MTA1: variants seen among roughly 807,000 people sequenced by gnomAD.
The protein encoded by MTA1 is metastasis associated 1.
MTA1 carries 15 observed loss-of-function variants against 97.0 expected under a neutral mutation model. That is an observed-to-expected ratio of 0.15 (90% confidence interval 0.10 to 0.24). The LOEUF (loss-of-function observed/expected upper bound fraction) is 0.24. MTA1 is among the 10% of genes least tolerant of loss of function. The probability of loss-of-function intolerance (pLI) is 1.00; values close to 1 mark genes in which losing one functional copy is unlikely to be tolerated. For missense variants in MTA1, 709 were observed against 1,015.1 expected (o/e 0.70, Z 4.10); for synonymous variants, 435 against 417.5 (o/e 1.04, Z -0.51).
rs781881355 is a variant in MTA1 at position 105,463,186 on chromosome 14, C to T, written c.945C>T (p.Leu315=). 7 of 1,611,462 alleles carry T rather than the reference C, an allele frequency of 4.3e-6. No homozygotes were observed. Among genetic ancestry groups the T allele is most frequent in the Non-Finnish European group, 5.9e-6 (7 of 1,179,832 alleles). Residue 315 remains leucine, a splice_region_variant and synonymous_variant, in exon 11 of 21, where the codon CTC becomes CTT. Transcript: ENST00000331320. The surrounding 1 kb of genome is among the most constrained non-coding windows in gnomAD (Gnocchi z 5.9). ...GTGACACGCCTCCTCCCACCCAGCT[C>T]CCGTGGAAGTCGCTGACCAGCATCA... ...KDFTDIQQDF[L]PWKSLTSIIE...
chr14:105,468,943 A>C (rs2083710948), intron 18 of MTA1: 1 of 316,582 alleles, frequency 3.2e-6, no homozygotes, highest in Admixed American at 4.5e-5. Flanking sequence ...GGCCTCTGGC[A>C]CCCCATCCCC....
chr14:105,460,738 G>A (rs369176604), intron 9 of MTA1, 27 bp from the exon 10 acceptor site: 18 of 1,540,850 alleles, frequency 1.2e-5, no homozygotes, highest in Admixed American at 9.9e-5. Context: ...ACCTTGGCCC[G>A]GGTGACCCTG....
At chr14:105,432,021 G>A (rs587685398) in intron 1 of MTA1, among the ~76,000 whole-genome samples, 3 of 151,918 alleles carry the variant, frequency 2.0e-5, no homozygotes, top group Admixed American at 6.6e-5. Context: ...TCAGTTCTGT[G>A]AATTAAAAAA....
In MTA1 at chr14:105,463,976, G is replaced by A. The variant is rs781952441; in HGVS notation, c.1077-56G>A. 1.3e-6 allele frequency: 2 copies of A among 1,562,588 alleles called. No individual in the cohort carries two copies. The highest frequency in any genetic ancestry group is 1.8e-6 in the Non-Finnish European group (2 of 1,135,414). The stretch of plus-strand genomic sequence containing the variant: ...AGCCGCGGTGCCTGCTGGGCACATG[G>A]GCCCTCGAGGTTTGTGCTCCTGCAA... On this transcript the variant is annotated intron_variant, in intron 12 of 20. Transcript: ENST00000331320. The surrounding 1 kb of genome is among the most constrained non-coding windows in gnomAD (Gnocchi z 5.9).
intron 2 of MTA1, among the ~76,000 whole-genome samples, chr14:105,440,329 TG>T (rs1385568488): frequency 2.6e-5 from 4 of 152,212 alleles, no homozygotes; most frequent in Non-Finnish European, 5.9e-5. Context: ...GAACCATGGC[TG>T]GGGGAGGTCC....
Position 105,449,392 on chromosome 14 carries a change from C to T in MTA1, c.224C>T (p.Ala75Val), listed in dbSNP as rs202186730. The T allele has an allele frequency of 1.4e-4, 232 of 1,611,896 alleles. 2 individuals carry two copies. Among genetic ancestry groups the T allele is most frequent in the Middle Eastern group, 3.3e-4 (2 of 6,066 alleles). Reference protein sequence around the residue: ...LSVCYKAGPGADNGEEGEIEE... With the variant: ...LSVCYKAGPGVDNGEEGEIEE... Reference sequence around the variant, plus strand: ...GTCTGCTATAAGGCCGGACCGGGGGCGGACAACGGCGAGGAAGGTAAGAGC... The same window carrying T: ...GTCTGCTATAAGGCCGGACCGGGGGTGGACAACGGCGAGGAAGGTAAGAGC... Residue 75 changes from alanine (A) to valine (V), a missense_variant, in exon 4 of 21, where the codon GCG becomes GTG. Physicochemically the swap from Ala to Val is moderately conservative, Grantham distance 64. Transcript: ENST00000331320.
intron 1 of MTA1, among the ~76,000 whole-genome samples, chr14:105,436,625 G>T (rs1435431844): frequency 1.3e-5 from 2 of 151,826 alleles, no homozygotes; most frequent in Non-Finnish European, 2.9e-5. Context: ...TGCAGACCCC[G>T]AGCTGCCAGG....
intron 18 of MTA1, chr14:105,467,422 G>T (rs1395699364): frequency 4.4e-6 from 2 of 455,942 alleles, no homozygotes; most frequent in East Asian, 1.4e-4. Flanking sequence ...CGACCTGGAG[G>T]TGGATATGGG....
At position 105,424,905 on chromosome 14, in the gene MTA1, G is replaced by A. The variant is rs1307990288; in HGVS notation, c.28+4842G>A. ...TGGTCCAATGAAGCACATCCCTCGC[G>A]CCCGACCCGCCCTGGCAGTGCCGTT... is the stretch of plus-strand genomic sequence containing the variant. On this transcript the variant is annotated intron_variant, in intron 1 of 20. Coordinates refer to ENST00000331320, the MANE Select transcript of MTA1 (RefSeq NM_004689.4). The surrounding 1 kb of genome is among the most constrained non-coding windows in gnomAD (Gnocchi z 4.0). Among the ~76,000 whole-genome samples the A allele has an allele frequency of 2.0e-5, 3 of 152,236 alleles. No homozygotes were observed. Among genetic ancestry groups the A allele is most frequent in the Admixed American group, 6.5e-5 (1 of 15,282 alleles).
intron 7 of MTA1, among the ~76,000 whole-genome samples, chr14:105,455,748 T>C (rs797025446): frequency 2.6e-5 from 4 of 152,328 alleles, no homozygotes; most frequent in African/African-American, 9.6e-5. Flanking sequence ...GGCTCCAGCA[T>C]TGGGCTCGTG....
Position 105,463,198 on chromosome 14 carries a change from G to A in MTA1, c.957G>A (p.Ser319=), listed in dbSNP as rs1555431464. The A allele has an allele frequency of 5.6e-6, 9 of 1,611,388 alleles. No individual in the cohort carries two copies. The highest frequency in any genetic ancestry group is 1.6e-4 in the Middle Eastern group (1 of 6,062). ...DIQQDFLPWK[S]LTSIIEYYYM... ...CTCCCACCCAGCTCCCGTGGAAGTC[G>A]CTGACCAGCATCATTGAGTACTACT... Residue 319 remains serine (S), a synonymous_variant, in exon 11 of 21, where the codon TCG becomes TCA. Transcript: ENST00000331320. The surrounding 1 kb of genome is among the most constrained non-coding windows in gnomAD (Gnocchi z 5.9).
chr14:105,423,538 G>A (rs1189190079), intron 1 of MTA1, among the ~76,000 whole-genome samples: 3 of 152,072 alleles, frequency 2.0e-5, no homozygotes, highest in Non-Finnish European at 4.4e-5. Context: ...TTTAATAAAA[G>A]TTGAGGCTGG....
Position 105,468,228 on chromosome 14 carries a change from C to T in MTA1, c.1814-1239C>T. The T allele has an allele frequency of 2.6e-6, 3 of 1,148,838 alleles. No individual in the cohort carries two copies. In the South Asian group the frequency reaches 3.9e-5, roughly 15 times the overall value. The allele number at this position is 1,148,838 out of a possible 1,614,324, so 71.2% of individuals were successfully genotyped here. On this transcript the variant is annotated intron_variant, in intron 18 of 20. Transcript: ENST00000331320. ...CCCAGCGCTCTAACCCGGCCATTTG[C>T]CCGTGCAGCCTGTTGCGCTGTCCCC...
At chr14:105,433,246 C>T (rs782451288) in intron 1 of MTA1, among the ~76,000 whole-genome samples, 10 of 152,048 alleles carry the variant, frequency 6.6e-5, no homozygotes, top group Non-Finnish European at 8.8e-5. Context: ...ACAGGCCTGG[C>T]GTATTTCCAA....
At chr14:105,441,756 T>A (rs587658498) in intron 2 of MTA1, among the ~76,000 whole-genome samples, 2 of 152,028 alleles carry the variant, frequency 1.3e-5, no homozygotes, top group African/African-American at 4.8e-5. Flanking sequence ...ATCCCGCCAC[T>A]ACACTCCAGC....
Position 105,466,485 on chromosome 14 carries a change from A to G in MTA1, c.1684A>G (p.Ser562Gly), listed in dbSNP as rs2083591405. 4.3e-6 allele frequency: 6 copies of G among 1,396,464 alleles called. No homozygotes were observed. Among genetic ancestry groups the G allele is most frequent in the South Asian group, 1.2e-5 (1 of 86,728 alleles). The allele number at this position is 1,396,464 out of a possible 1,614,324, so 86.5% of individuals were successfully genotyped here. ...GAAAAGCGTGTCCAGCGTGCTCAGC[A>G]GCCTGACGCCCGCCAAGGTGGCCCC... ...PVKSVSSVLS[S>G]LTPAKVAPVI... The change falls in exon 17 of 21, where the codon AGC (serine) becomes GGC (glycine). Residue 562 changes from serine (S) to glycine (G), a missense_variant. Around this residue, in one of 2 missense-constraint regions of MTA1, gnomAD observed 388 missense variants for 421.6 expected, o/e 0.92. Transcript: ENST00000331320.
chr14:105,468,459 G>A, intron 18 of MTA1: 1 of 1,069,756 alleles, frequency 9.3e-7, no homozygotes. Context: ...TCAGGCACCT[G>A]GGCCCCCACC....
In MTA1 at chr14:105,460,431, G is replaced by A. The variant is rs2083306842; in HGVS notation, c.727G>A (p.Ala243Thr). 6.2e-7 allele frequency: 1 copy of A among 1,611,036 alleles called. No individual in the cohort carries two copies. Among genetic ancestry groups the A allele is most frequent in the Non-Finnish European group, 8.5e-7 (1 of 1,179,178 alleles). Residue 243 changes from alanine (A) to threonine (T), a missense_variant, in exon 9 of 21, where the codon GCA becomes ACA. This residue lies in a region of MTA1 where 321 missense variants were observed against 593.5 expected (regional missense o/e 0.54). Coordinates refer to ENST00000331320, the MANE Select transcript of MTA1 (RefSeq NM_004689.4). Reference sequence around the variant, plus strand: ...ACAGCCCAGCCTGCACATGAGCGCCGCAGCTGCCTCCCGAGACATCACCCT... The same window carrying A: ...ACAGCCCAGCCTGCACATGAGCGCCACAGCTGCCTCCCGAGACATCACCCT... Reference protein sequence around the residue: ...VRQPSLHMSAAAASRDITLFH... With the variant: ...VRQPSLHMSATAASRDITLFH...
chr14:105,445,225 T>C (rs6576101), intron 2 of MTA1, among the ~76,000 whole-genome samples, 193 bp from the exon 3 acceptor site: 150,971 of 152,340 alleles, frequency 0.99, 74,813 homozygotes, highest in East Asian at 1. Context: ...CCTTCTCCCC[T>C]GGGATAGACG....
Sources: allele counts gnomAD v4.1 joint callset (sites outside exome capture counted in the v4.1 genomes callset), GRCh38; gene constraint gnomAD v4.1.1; regional missense constraint gnomAD v4.1.1; non-coding constraint Gnocchi (gnomAD v3.1); transcripts MANE v1.5; gene names NCBI Gene and HGNC (gene_info 2026-07-23, HGNC 2026-07-21).